Variants in DENND5B observed in about 807,000 individuals in gnomAD.
DENND5B encodes DENN domain-containing protein 5B.
A neutral mutation model predicts 140.6 loss-of-function variants in DENND5B; 34 were observed. The observed-to-expected ratio is 0.24, with a 90% CI of 0.18 to 0.32. The LOEUF (loss-of-function observed/expected upper bound fraction) is 0.32, where lower values mean the gene tolerates loss of function less well. DENND5B is among the 10% of genes least tolerant of loss of function. DENND5B has a pLI of 1.00. For synonymous variants in DENND5B, 551 were observed against 562.1 expected, an observed-to-expected ratio of 0.98 and a Z score of 0.28; for missense variants, 1,142 against 1,560.2, an observed-to-expected ratio of 0.73 and a Z score of 4.52.
intron 14 of DENND5B, among the ~76,000 whole-genome samples, chr12:31,405,751 T>C (rs913751447): frequency 6.6e-6 from 1 of 152,102 alleles, no homozygotes; most frequent in African/African-American, 2.4e-5. Context: ...TTTTATCATC[T>C]TGGCCAGGCT....
chr12:31,574,102 TA>T (rs75982800), intron 1 of DENND5B, among the ~76,000 whole-genome samples: 46 of 140,898 alleles, frequency 3.3e-4, no homozygotes, highest in Admixed American at 3.6e-4. Context: ...TCTACAAAAA[TA>T]AAAAAAAAAA....
intron 3 of DENND5B, among the ~76,000 whole-genome samples, chr12:31,479,166 C>T (rs1012735339): frequency 6.6e-6 from 1 of 152,178 alleles, no homozygotes. Flanking sequence ...TCATTTATCC[C>T]TTTTCAATGT....
intron 1 of DENND5B, among the ~76,000 whole-genome samples, chr12:31,509,357 A>G (rs1947323268): frequency 6.6e-6 from 1 of 152,190 alleles, no homozygotes; most frequent in South Asian, 2.1e-4. Context: ...GTGGCAGCTC[A>G]CGCCTATAAT....
intron 4 of DENND5B, among the ~76,000 whole-genome samples, chr12:31,457,025 A>G (rs939701344): frequency 2.0e-5 from 3 of 152,210 alleles, no homozygotes; most frequent in Non-Finnish European, 2.9e-5. Context: ...TCAAGGCTGC[A>G]GTGAGCTGTG....
intron 7 of DENND5B, among the ~76,000 whole-genome samples, chr12:31,437,189 C>T (rs1207208102): frequency 2.7e-5 from 4 of 150,870 alleles, no homozygotes; most frequent in African/African-American, 9.7e-5. Context: ...GTCGTCCAGG[C>T]TGGAATGCAG....
intron 7 of DENND5B, among the ~76,000 whole-genome samples, chr12:31,434,524 G>C (rs953085066): frequency 8.5e-5 from 13 of 152,084 alleles, no homozygotes; most frequent in Admixed American, 4.6e-4. Flanking sequence ...GACCTGCCCT[G>C]GATGATATGA....
At chr12:31,469,068 C>T (rs1945416978) in intron 3 of DENND5B, among the ~76,000 whole-genome samples, 1 of 151,796 alleles carries the variant, frequency 6.6e-6, no homozygotes, top group Admixed American at 6.6e-5. Flanking sequence ...AGGTGCATTG[C>T]CTCAGGTCTG....
intron 4 of DENND5B, among the ~76,000 whole-genome samples, chr12:31,453,994 T>A (rs772689555): frequency 6.6e-6 from 1 of 151,740 alleles, no homozygotes; most frequent in Non-Finnish European, 1.5e-5. Flanking sequence ...ATATAAAAAT[T>A]AGCTGGGCAT....
intron 1 of DENND5B, among the ~76,000 whole-genome samples, chr12:31,543,379 C>T (rs1292628774): frequency 6.6e-6 from 1 of 152,164 alleles, no homozygotes; most frequent in African/African-American, 2.4e-5. Context: ...CTACTAAGAT[C>T]TGACTTTTTA....
chr12:31,574,101 A>T (rs1182362046), intron 1 of DENND5B, among the ~76,000 whole-genome samples: 3 of 151,318 alleles, frequency 2.0e-5, no homozygotes, highest in Non-Finnish European at 4.4e-5. Flanking sequence ...CTCTACAAAA[A>T]TAAAAAAAAA....
intron 1 of DENND5B, among the ~76,000 whole-genome samples, chr12:31,573,660 T>C (rs1592076760): frequency 6.6e-6 from 1 of 152,234 alleles, no homozygotes; most frequent in East Asian, 1.9e-4. Context: ...GACTCCATGA[T>C]TCTTCAATGG....
At chr12:31,538,701 T>A (rs1205112778) in intron 1 of DENND5B, among the ~76,000 whole-genome samples, 1 of 151,992 alleles carries the variant, frequency 6.6e-6, no homozygotes, top group African/African-American at 2.4e-5. Flanking sequence ...ACCCCATCTC[T>A]ACTAAAAATA....
chr12:31,505,116 T>G (rs780256580), intron 1 of DENND5B, among the ~76,000 whole-genome samples: 6 of 152,236 alleles, frequency 3.9e-5, no homozygotes, highest in Non-Finnish European at 5.9e-5. Context: ...TGTGTTCGTT[T>G]TGACTTTCTG....
intron 13 of DENND5B, among the ~76,000 whole-genome samples, chr12:31,409,596 A>G (rs985752817): frequency 6.6e-6 from 1 of 150,658 alleles, no homozygotes; most frequent in African/African-American, 2.4e-5. Context: ...CTCCTGCCTC[A>G]GCCTCATGAG....
chr12:31,442,570 GTTT>G (rs1271999360), intron 7 of DENND5B, among the ~76,000 whole-genome samples: 1 of 146,604 alleles, frequency 6.8e-6, no homozygotes, highest in South Asian at 2.2e-4. Context: ...TCTAGCCTTT[GTTT>G]TTTTCTTTTT....
intron 1 of DENND5B, among the ~76,000 whole-genome samples, chr12:31,577,723 A>C (rs964107542): frequency 2.0e-4 from 30 of 151,474 alleles, no homozygotes; most frequent in African/African-American, 7.3e-4. Context: ...AAAAAAAAAA[A>C]AAAAAAAAAA....
intron 1 of DENND5B, among the ~76,000 whole-genome samples, chr12:31,533,911 T>C (rs1192888750): frequency 1.3e-5 from 2 of 151,682 alleles, no homozygotes; most frequent in Admixed American, 6.6e-5. Context: ...CTTTAACTTA[T>C]GAAGATTCAA....
intron 1 of DENND5B, among the ~76,000 whole-genome samples, chr12:31,497,943 C>T (rs918637349): frequency 4.0e-4 from 10 of 24,808 alleles, no homozygotes; most frequent in African/African-American, 1.5e-3. Flanking sequence ...GGGGAGGGGG[C>T]GGGGAGGAGA....
chr12:31,568,838 A>G (rs1949717541), intron 1 of DENND5B, among the ~76,000 whole-genome samples: 2 of 152,176 alleles, frequency 1.3e-5, no homozygotes, highest in Non-Finnish European at 2.9e-5. Context: ...TAACTGATAG[A>G]GAACTCCAAA....
Sources: gnomAD v4.1 joint callset for allele counts (sites outside exome capture counted in the v4.1 genomes callset) on GRCh38, gnomAD v4.1.1 for gene constraint, MANE v1.5 for transcripts, NCBI Gene and HGNC (gene_info 2026-07-23, HGNC 2026-07-21) for gene names.